The following ZNF879 variants were observed in gnomAD, a reference collection of about 807,000 sequenced individuals.
ZNF879 encodes zinc finger protein 879.
ZNF879 carries 32 observed loss-of-function variants against 44.3 expected under a neutral mutation model. That is an observed-to-expected ratio of 0.72 (90% CI 0.54 to 0.97). The LOEUF is 0.97. Ranked by LOEUF, ZNF879 falls within the 50% of genes least tolerant of loss-of-function variation. The pLI is 0.00. For missense variants in ZNF879, 621 were observed against 669.7 expected (o/e 0.93, Z 0.80); for synonymous variants, 234 against 233.2 (o/e 1.00, Z -0.03).
intron 3 of ZNF879, 83 bp from the exon 4 acceptor site, chr5:179,027,949 T>C: frequency 8.3e-7 from 1 of 1,201,388 alleles, no homozygotes; most frequent in Non-Finnish European, 1.2e-6. Context: ...TCCTTCCCTG[T>C]ACTGCCCCTC....
chr5:179,026,103 C>CA (rs1761262974), intron 2 of ZNF879, among the ~76,000 whole-genome samples: 2 of 141,314 alleles, frequency 1.4e-5, no homozygotes, highest in Admixed American at 1.4e-4. Context: ...AAAAAAAAAA[C>CA]AAAGAAAGAA....
intron 4 of ZNF879, among the ~76,000 whole-genome samples, chr5:179,028,446 T>G (rs542720714): frequency 6.6e-6 from 1 of 152,356 alleles, no homozygotes; most frequent in South Asian, 2.1e-4. Flanking sequence ...ATTATTTTCC[T>G]TAGTGGCTTG....
chr5:179,033,906 A>G lies in ZNF879; in HGVS notation c.*266A>G, dbSNP rs994908303. 5 of 281,982 alleles carry G rather than the reference A, an allele frequency of 1.8e-5. No homozygotes were observed. The highest frequency in any genetic ancestry group is 1.1e-4 in the African/African-American group (5 of 45,650). The allele number at this position is 281,982 out of a possible 1,614,324, so 17.5% of individuals were successfully genotyped here. On this transcript the variant is annotated 3_prime_UTR_variant, in exon 5 of 5. Coordinates refer to ENST00000444149, the MANE Select transcript of ZNF879 (RefSeq NM_001136116.3). ...TTGCAGGGTTAGTATTTGATTGTCT[A>G]GTGATGTACGATAACAGCCACCAGC... is the stretch of plus-strand genomic sequence containing the variant.
Position 179,029,100 on chromosome 5 carries a change from GT to G in ZNF879, c.256+990del, listed in dbSNP as rs35623143. Among the ~76,000 whole-genome samples, 493 of 67,170 alleles carry G rather than the reference GT, an allele frequency of 7.3e-3. 1 individual carries two copies. Among genetic ancestry groups the G allele is most frequent in the Middle Eastern group, 0.014 (2 of 138 alleles). 44.1% of individuals were successfully genotyped at this position (67,170 alleles called of 152,430 possible). A position where few individuals can be genotyped will look rare whatever the true frequency, so the allele number is the denominator to read the frequency against. On this transcript the variant is annotated intron_variant, in intron 4 of 4. Coordinates refer to ENST00000444149, the MANE Select transcript of ZNF879 (RefSeq NM_001136116.3). ...TTTTGGATCTAGAATTCTGGCATCT[GT>G]TTTTTTTTTTTTTTTTCCTCTCTGC...
chr5:179,024,928 A>G, intron 1 of ZNF879, 42 bp from the exon 2 acceptor site: 1 of 1,478,904 alleles, frequency 6.8e-7, no homozygotes. Flanking sequence ...GTGGGCATGC[A>G]GGCTGGATGA....
chr5:179,027,612 C>A lies in ZNF879; in HGVS notation c.160+13C>A, dbSNP rs780163075. On this transcript the variant is annotated intron_variant, in intron 3 of 4. Transcript: ENST00000444149. ...CTGGTCTCACTGGGTAAGGAACTTT[C>A]CTCCTGATGCAGAATCTGCCAGGAG... 1.1e-5 allele frequency: 18 copies of A among 1,613,460 alleles called. No individual in the cohort carries two copies. The highest frequency in any genetic ancestry group is 1.5e-5 in the Non-Finnish European group (18 of 1,179,714).
At position 179,033,225 on chromosome 5, in the gene ZNF879, A is replaced by G; in HGVS notation, c.1277A>G (p.Lys426Arg). The change falls in exon 5 of 5, where the codon AAA (lysine) becomes AGA (arginine). Residue 426 changes from lysine to arginine, a missense_variant. Lys to Arg is a conservative substitution (Grantham distance 26, BLOSUM62 2). Transcript: ENST00000444149. ...IQHQRIHTGE[K>R]PYKCNECGKA... Reference sequence around the variant, plus strand: ...CATCAAAGAATTCACACTGGAGAAAAACCCTACAAATGTAATGAATGTGGG... The same window carrying G: ...CATCAAAGAATTCACACTGGAGAAAGACCCTACAAATGTAATGAATGTGGG... 6.3e-7 allele frequency: 1 copy of G among 1,594,442 alleles called. No homozygotes were observed. Among genetic ancestry groups the G allele is most frequent in the South Asian group, 1.1e-5 (1 of 88,544 alleles).
chr5:179,032,934 C>T lies in ZNF879; in HGVS notation c.986C>T (p.Ser329Leu), dbSNP rs1184211885. 4.5e-6 allele frequency: 7 copies of T among 1,563,982 alleles called. No individual in the cohort carries two copies. The highest frequency in any genetic ancestry group is 3.8e-5 in the Admixed American group (2 of 52,096). ...TGTGGGAGGGCCTTCAGTCAGTGCT[C>T]ATCTCTCATTCAGCACCACAGAATT... ...NECGRAFSQC[S>L]SLIQHHRIHT... is the part of the protein sequence containing the mutation. The change falls in exon 5 of 5, where the codon TCA (serine) becomes TTA (leucine). Residue 329 changes from serine (S) to leucine (L), a missense_variant. Transcript: ENST00000444149.
In ZNF879 at chr5:179,033,722, TGAA is replaced by T. The variant is rs1271721406; in HGVS notation, c.*85_*87del. The T allele has an allele frequency of 7.0e-5, 74 of 1,056,426 alleles. No individual in the cohort carries two copies. The highest frequency in any genetic ancestry group is 8.4e-5 in the Non-Finnish European group (63 of 748,596). The allele number at this position is 1,056,426 out of a possible 1,614,324, so 65.4% of individuals were successfully genotyped here. ...AAAATTCATTGTGGGGAGAAAGTGA[TGAA>T]GAGTAGTTAATCATAGGTAAAACTT... On this transcript the variant is annotated 3_prime_UTR_variant, in exon 5 of 5. Transcript: ENST00000444149.
At chr5:179,030,075 T>A (rs984650700) in intron 4 of ZNF879, among the ~76,000 whole-genome samples, 6 of 152,182 alleles carry the variant, frequency 3.9e-5, no homozygotes, top group African/African-American at 1.4e-4. Flanking sequence ...GCCAGGCATG[T>A]GGATTAAAAA....
chr5:179,033,321 G>T lies in ZNF879; in HGVS notation c.1373G>T (p.Cys458Phe). 1.3e-6 allele frequency: 2 copies of T among 1,572,238 alleles called. No homozygotes were observed. The highest frequency in any genetic ancestry group is 1.7e-6 in the Non-Finnish European group (2 of 1,158,638). Residue 458 changes from cysteine (C) to phenylalanine (F), a missense_variant, in exon 5 of 5, where the codon TGT (cysteine) becomes TTT (phenylalanine). Transcript: ENST00000444149. The part of the protein sequence containing the change: ...RIHTGEKPYN[C>F]KECGKAFSSH... ...CACACTGGAGAGAAACCATATAATT[G>T]TAAGGAATGTGGAAAAGCCTTCAGT...
Position 179,032,357 on chromosome 5 carries a change from C to T in ZNF879, c.409C>T (p.Leu137Phe), listed in dbSNP as rs1761440536. Residue 137 changes from leucine to phenylalanine, a missense_variant, in exon 5 of 5, where the codon CTT becomes TTT. Transcript: ENST00000444149. ...LEKQQGKKNR[L>F]FSKVLVTIKK... is the part of the protein sequence containing the mutation. ...GAAGCAACAAGGCAAAAAGAACAGA[C>T]TTTTCAGTAAAGTGTTAGTTACCAT... 6.4e-7 allele frequency: 1 copy of T among 1,551,152 alleles called. No homozygotes were observed. The highest frequency in any genetic ancestry group is 1.4e-5 in the African/African-American group (1 of 72,998).
chr5:179,033,590 G>A lies in ZNF879; in HGVS notation c.1642G>A (p.Ala548Thr), dbSNP rs1343295805. 6.5e-7 allele frequency: 1 copy of A among 1,546,096 alleles called. No individual in the cohort carries two copies. Among genetic ancestry groups the A allele is most frequent in the South Asian group, 1.2e-5 (1 of 82,544 alleles). The change falls in exon 5 of 5, where the codon GCT becomes ACT. Residue 548 changes from alanine to threonine, a missense_variant. Coordinates refer to ENST00000444149, the MANE Select transcript of ZNF879 (RefSeq NM_001136116.3). ...TTATAAATGTAAAGAATGTGGGAAG[G>A]CTTTTAGTCAGAGCTCATCTCTTAC... The part of the protein sequence containing the change: ...KPYKCKECGK[A>T]FSQSSSLTNH...
rs1761494731 is a variant in ZNF879, at chr5:179,033,443, CT to C, written c.1496del (p.Leu499GlnfsTer30). On this transcript the variant is annotated frameshift_variant, in exon 5 of 5. Transcript: ENST00000444149. LOFTEE classifies it high-confidence loss of function. ...CEKAFNQSSALIQHQRIHTGE... is the reference protein window; with the variant it reads ...CEKAFNQSSAXIQHQRIHTGE... ...GAAAGCCTTCAACCAAAGCTCAGCTCTAATTCAGCACCAGAGAATTCATACT... is the reference window on the plus strand; with the variant it reads ...GAAAGCCTTCAACCAAAGCTCAGCTCAATTCAGCACCAGAGAATTCATACT... 2 of 1,564,806 alleles carry C rather than the reference CT, an allele frequency of 1.3e-6. No individual in the cohort carries two copies. Among genetic ancestry groups the C allele is most frequent in the Non-Finnish European group, 1.7e-6 (2 of 1,154,640 alleles).
intron 2 of ZNF879, among the ~76,000 whole-genome samples, chr5:179,025,588 G>T (rs558853556): frequency 5.5e-4 from 84 of 152,336 alleles, no homozygotes; most frequent in African/African-American, 1.9e-3. Context: ...TTTTTGCCCT[G>T]TGGAGGACAA....
chr5:179,029,881 A>G (rs934626918), intron 4 of ZNF879, among the ~76,000 whole-genome samples: 20 of 152,210 alleles, frequency 1.3e-4, no homozygotes, highest in Non-Finnish European at 2.1e-4. Flanking sequence ...TACCTCATTG[A>G]GAGGACTATA....
In ZNF879 at chr5:179,034,529, C is replaced by T. The variant is rs1761532670; in HGVS notation, c.*889C>T. On this transcript the variant is annotated 3_prime_UTR_variant, in exon 5 of 5. Coordinates refer to ENST00000444149, the MANE Select transcript of ZNF879 (RefSeq NM_001136116.3). ...CAGAAGGCCCAGGAACAATGTAGAA[C>T]TCAGGTCATCATCCTTGGAGGTAAA... 1 of 152,234 alleles carries T rather than the reference C, an allele frequency of 6.6e-6. No homozygotes were observed. The highest frequency in any genetic ancestry group is 1.5e-5 in the Non-Finnish European group (1 of 68,050). 9.4% of individuals were successfully genotyped at this position (152,234 alleles called of 1,614,324 possible).
intron 2 of ZNF879, among the ~76,000 whole-genome samples, chr5:179,025,685 G>T (rs555971832): frequency 6.6e-6 from 1 of 152,236 alleles, no homozygotes; most frequent in African/African-American, 2.4e-5. Context: ...GGGAGGCCAA[G>T]GTGGGCAGAT....
Position 179,033,596 on chromosome 5 carries a change from A to G in ZNF879, c.1648A>G (p.Ser550Gly), listed in dbSNP as rs530641022. The G allele has an allele frequency of 7.2e-5, 111 of 1,542,228 alleles. No homozygotes were observed. Among genetic ancestry groups the G allele is most frequent in the Middle Eastern group, 5.1e-4 (3 of 5,914 alleles). ...ATGTAAAGAATGTGGGAAGGCTTTT[A>G]GTCAGAGCTCATCTCTTACTAATCA... ...YKCKECGKAF[S>G]QSSSLTNHQR... Residue 550 changes from serine to glycine, a missense_variant, in exon 5 of 5, where the codon AGT becomes GGT. Physicochemically the swap from Ser to Gly is moderately conservative, Grantham distance 56. Transcript: ENST00000444149.
Sources: gnomAD v4.1 joint callset for allele counts (sites outside exome capture counted in the v4.1 genomes callset) on GRCh38, gnomAD v4.1.1 for gene constraint, MANE v1.5 for transcripts, NCBI Gene and HGNC (gene_info 2026-07-23, HGNC 2026-07-21) for gene names.